The following NYX variants were observed in gnomAD, a reference collection of about 807,000 sequenced individuals.
The protein encoded by NYX is nyctalopin.
For synonymous variants in NYX, 258 were observed against 245.7 expected (o/e 1.05, Z -0.47); for missense variants, 481 against 485.4 (o/e 0.99, Z 0.09).
intron 2 of NYX, among the ~76,000 whole-genome samples, chrX:41,460,859 G>C (rs1455120040): frequency 1.1e-5 from 1 of 94,963 alleles, no homozygotes; most frequent in Non-Finnish European, 2.0e-5. Flanking sequence ...TTATGTAAGC[G>C]GAGTCACACA....
Position 41,474,079 on chromosome X carries a change from G to T in NYX, c.611G>T (p.Arg204Leu). ...TCGCTGCAGGGCCTGCGCCGCCTGC[G>T]CTCGCTCAGCCTGCAGGCCAACCGC... ...SSSLQGLRRL[R>L]SLSLQANRVR... is the part of the protein sequence containing the mutation. The change falls in exon 3 of 3, where the codon CGC becomes CTC. Residue 204 changes from arginine (R) to leucine (L), a missense_variant. By Grantham distance (102) the Arg-to-Leu change is moderately radical. Transcript: ENST00000378220. The T allele has an allele frequency of 3.7e-6, 4 of 1,085,772 alleles. No homozygotes were observed. Among genetic ancestry groups the T allele is most frequent in the Non-Finnish European group, 4.8e-6 (4 of 840,601 alleles). 89.5% of individuals were successfully genotyped at this position (1,085,772 alleles called of 1,213,427 possible).
At chrX:41,472,939 C>G (rs979123745) in intron 2 of NYX, among the ~76,000 whole-genome samples, 1 of 111,540 alleles carries the variant, frequency 9.0e-6, no homozygotes, top group Non-Finnish European at 1.9e-5. Flanking sequence ...GGTGGGATTA[C>G]AGGAGCCCGT....
intron 2 of NYX, chrX:41,472,287 C>G: frequency 8.9e-7 from 1 of 1,127,873 alleles, no homozygotes; most frequent in South Asian, 1.9e-5. Context: ...GAAATAATGT[C>G]ACTACATCGG....
At chrX:41,447,705 C>T in intron 1 of NYX, 144 bp from the exon 2 acceptor site, 1 of 486,744 alleles carries the variant, frequency 2.1e-6, no homozygotes, top group Non-Finnish European at 3.7e-6. Flanking sequence ...TACTGGTTTC[C>T]CTTAGCCCAA....
intron 2 of NYX, among the ~76,000 whole-genome samples, chrX:41,461,031 A>T: frequency 9.5e-6 from 1 of 105,753 alleles, no homozygotes; most frequent in South Asian, 4.2e-4. Context: ...ATTTTTTAAA[A>T]TTTCCATAGG....
chrX:41,465,968 T>G (rs1000785300), intron 2 of NYX, among the ~76,000 whole-genome samples: 2 of 111,375 alleles, frequency 1.8e-5, no homozygotes, highest in Non-Finnish European at 3.8e-5. Context: ...GCCAAGGACA[T>G]AAGGGGAACC....
chrX:41,457,229 C>A (rs768034482), intron 2 of NYX, among the ~76,000 whole-genome samples: 1 of 102,114 alleles, frequency 9.8e-6, no homozygotes, highest in East Asian at 3.4e-4. Context: ...TCGCTTGAAC[C>A]CGGGAGGCGG....
chrX:41,452,170 G>A (rs1303684229), intron 2 of NYX, among the ~76,000 whole-genome samples: 1 of 110,217 alleles, frequency 9.1e-6, no homozygotes, highest in Non-Finnish European at 1.9e-5. Flanking sequence ...ATGGGGTTTC[G>A]CCATGTTGCC....
At chrX:41,469,450 A>C (rs1257370581) in intron 2 of NYX, among the ~76,000 whole-genome samples, 2 of 111,332 alleles carry the variant, frequency 1.8e-5, no homozygotes, top group Admixed American at 1.9e-4. Context: ...CATGAAATAA[A>C]CATTGTGCAT....
At position 41,468,095 on chromosome X, in the gene NYX, T is replaced by A. The variant is rs1035432357; in HGVS notation, c.23-5396T>A. ...TGTTTAATTAAAGTTTAAACTCTAATCTATTTTTTGAAATAGGTAACATAG... is the reference window on the plus strand; with the variant it reads ...TGTTTAATTAAAGTTTAAACTCTAAACTATTTTTTGAAATAGGTAACATAG... On this transcript the variant is annotated intron_variant, in intron 2 of 2. Coordinates refer to ENST00000378220, the MANE Select transcript of NYX (RefSeq NM_001378477.3). 3.7e-4 allele frequency among the ~76,000 whole-genome samples: 42 copies of A among 112,151 alleles called. 1 individual carries two copies. The highest frequency in any genetic ancestry group is 2.3e-3 in the Admixed American group (24 of 10,489).
Position 41,474,241 on chromosome X carries a change from G to T in NYX, c.773G>T (p.Gly258Val). Reference sequence around the variant, plus strand: ...CGCCTGCGCACGCTCAACCTGGGTGGCAACGCGCTGGACCGCGTGGCGCGC... The same window carrying T: ...CGCCTGCGCACGCTCAACCTGGGTGTCAACGCGCTGGACCGCGTGGCGCGC... Reference protein sequence around the residue: ...LRRLRTLNLGGNALDRVARAW... With the variant: ...LRRLRTLNLGVNALDRVARAW... Residue 258 changes from glycine to valine, a missense_variant, in exon 3 of 3, where the codon GGC becomes GTC. By Grantham distance (109) the Gly-to-Val change is moderately radical. Transcript: ENST00000378220. The T allele has an allele frequency of 1.7e-6, 2 of 1,200,645 alleles. No homozygotes were observed. Among genetic ancestry groups the T allele is most frequent in the Non-Finnish European group, 2.2e-6 (2 of 894,042 alleles).
At chrX:41,464,078 G>A (rs775604503) in intron 2 of NYX, among the ~76,000 whole-genome samples, 4 of 110,616 alleles carry the variant, frequency 3.6e-5, no homozygotes, top group Non-Finnish European at 7.6e-5. Flanking sequence ...TATTTTTACT[G>A]GAGAGAGAGA....
chrX:41,447,588 G>A, intron 1 of NYX, 72 bp downstream of exon 1: 1 of 366,956 alleles, frequency 2.7e-6, no homozygotes, highest in Non-Finnish European at 4.8e-6. Flanking sequence ...TTCCTTGCTG[G>A]GTTGTCAGTG....
chrX:41,462,252 T>C (rs1302023563), intron 2 of NYX, among the ~76,000 whole-genome samples: 1 of 112,770 alleles, frequency 8.9e-6, no homozygotes, highest in African/African-American at 3.2e-5. Context: ...CTGTTTCTAG[T>C]TTTGGGCTAT....
At chrX:41,451,665 C>G (rs1424898050) in intron 2 of NYX, among the ~76,000 whole-genome samples, 1 of 110,754 alleles carries the variant, frequency 9.0e-6, no homozygotes, top group Non-Finnish European at 1.9e-5. Flanking sequence ...AGGTGCCCCC[C>G]ACCATGCTCT....
At chrX:41,473,207 A>T (rs2064368919) in intron 2 of NYX, among the ~76,000 whole-genome samples, 1 of 111,957 alleles carries the variant, frequency 8.9e-6, no homozygotes, top group Non-Finnish European at 1.9e-5. Context: ...GTGGTGGTAC[A>T]GGCAGGAGGG....
rs890854689 is a variant in NYX, at chrX:41,473,577, C to G, written c.109C>G (p.Arg37Gly). The change falls in exon 3 of 3, where the codon CGC (arginine) becomes GGC (glycine). Residue 37 changes from arginine to glycine, a missense_variant. Coordinates refer to ENST00000378220, the MANE Select transcript of NYX (RefSeq NM_001378477.3). ...CGCCTGCGCCTGCAGCACCGTGGAG[C>G]GCGGCTGCTCGGTGCGCTGCGACCG... is the stretch of plus-strand genomic sequence containing the variant. ...PAACACSTVE[R>G]GCSVRCDRAG... 4 of 1,003,626 alleles carry G rather than the reference C, an allele frequency of 4.0e-6. No individual in the cohort carries two copies. In the African/African-American group the frequency reaches 8.2e-5, roughly 21 times the overall value. The allele number at this position is 1,003,626 out of a possible 1,213,427, so 82.7% of individuals were successfully genotyped here.
chrX:41,469,672 G>A (rs969849233), intron 2 of NYX, among the ~76,000 whole-genome samples: 1 of 108,410 alleles, frequency 9.2e-6, no homozygotes, highest in Admixed American at 1.0e-4. Flanking sequence ...TCAGCCTCCC[G>A]AGTAGCTGGG....
At chrX:41,466,347 G>A (rs1420150469) in intron 2 of NYX, among the ~76,000 whole-genome samples, 1 of 59,719 alleles carries the variant, frequency 1.7e-5, no homozygotes, top group Non-Finnish European at 3.1e-5. Flanking sequence ...CCAAGCCCAG[G>A]GAGGTCAAGA....
Sources: gnomAD v4.1 joint callset for allele counts (sites outside exome capture counted in the v4.1 genomes callset) on GRCh38, gnomAD v4.1.1 for gene constraint, MANE v1.5 for transcripts, NCBI Gene and HGNC (gene_info 2026-07-23, HGNC 2026-07-21) for gene names.